POLDIP3: variants seen among roughly 807,000 people sequenced by gnomAD.
POLDIP3 encodes DNA polymerase delta interacting protein 3, also known as polymerase delta-interacting protein 3.
In POLDIP3, 14 loss-of-function variants were observed where a neutral mutation model predicts 45.1. That is an observed-to-expected ratio of 0.31 (90% CI 0.20 to 0.49). The LOEUF is 0.49. POLDIP3 is among the 20% of genes least tolerant of loss of function. The pLI, the probability that POLDIP3 is intolerant of heterozygous loss-of-function variation, is 0.99. For synonymous variants in POLDIP3, 223 were observed against 205.2 expected, an observed-to-expected ratio of 1.09 and a Z score of -0.74; for missense variants, 511 against 538.8, an observed-to-expected ratio of 0.95 and a Z score of 0.51.
chr22:42,602,970 G>C lies in POLDIP3; in HGVS notation c.250C>G (p.Arg84Gly), dbSNP rs1456080419. Residue 84 changes from arginine to glycine, a missense_variant, in exon 2 of 9, where the codon CGA (arginine) becomes GGA (glycine). Around this residue, in one of 4 missense-constraint regions of POLDIP3, gnomAD observed 378 missense variants for 352.3 expected, o/e 1.07. Transcript: ENST00000252115. ...AREKLLQKDA[R>G]FRIKGKVQDA... Reference sequence around the variant, plus strand: ...TGCACTTTCCCTTTGATTCGAAATCGGGCATCTTTCTGCAAAAGCTTCTCC... The same window carrying C: ...TGCACTTTCCCTTTGATTCGAAATCCGGCATCTTTCTGCAAAAGCTTCTCC... 1 of 1,613,854 alleles carries C rather than the reference G, an allele frequency of 6.2e-7. No individual in the cohort carries two copies. The highest frequency in any genetic ancestry group is 2.2e-5 in the East Asian group (1 of 44,882).
chr22:42,588,482 G>A (rs1456973720), intron 7 of POLDIP3, among the ~76,000 whole-genome samples: 2 of 149,180 alleles, frequency 1.3e-5, no homozygotes, highest in Non-Finnish European at 3.0e-5. Flanking sequence ...AAAGTAAAAT[G>A]GAAGAAATAA....
chr22:42,613,879 G>T (rs1237640015), intron 1 of POLDIP3, among the ~76,000 whole-genome samples: 2 of 152,184 alleles, frequency 1.3e-5, no homozygotes, highest in African/African-American at 4.8e-5. Flanking sequence ...ATGTGTGTTG[G>T]GAAACTATTG....
intron 1 of POLDIP3, among the ~76,000 whole-genome samples, chr22:42,613,393 G>A (rs1020442236): frequency 3.9e-5 from 6 of 152,078 alleles, no homozygotes; most frequent in African/African-American, 1.4e-4. Flanking sequence ...TCCAGGATGG[G>A]GAAGGAGGTG....
At chr22:42,614,529 G>A (rs1358055249) in intron 1 of POLDIP3, among the ~76,000 whole-genome samples, 2 of 152,110 alleles carry the variant, frequency 1.3e-5, no homozygotes, top group African/African-American at 4.8e-5. Flanking sequence ...GGGGGCCCCA[G>A]GGGGCAGCCC....
chr22:42,595,027 G>A (rs1018869488), intron 6 of POLDIP3, among the ~76,000 whole-genome samples: 3 of 152,216 alleles, frequency 2.0e-5, no homozygotes, highest in African/African-American at 7.2e-5. Flanking sequence ...TTGTTTGAAA[G>A]GTCCGATTCC....
chr22:42,604,426 T>C (rs1261958542), intron 1 of POLDIP3, among the ~76,000 whole-genome samples: 2 of 152,158 alleles, frequency 1.3e-5, no homozygotes, highest in Admixed American at 1.3e-4. Context: ...AGATGCTGAA[T>C]CCAAAATCTG....
chr22:42,608,157 T>A (rs777019449), intron 1 of POLDIP3, among the ~76,000 whole-genome samples: 1 of 152,226 alleles, frequency 6.6e-6, no homozygotes, highest in Non-Finnish European at 1.5e-5. Context: ...AGATTGTTAC[T>A]GTGTCTGTGT....
chr22:42,612,615 G>T (rs143082911), intron 1 of POLDIP3, among the ~76,000 whole-genome samples: 1 of 152,212 alleles, frequency 6.6e-6, no homozygotes, highest in Non-Finnish European at 1.5e-5. Flanking sequence ...GGCCTGAGGT[G>T]AGGAGTTCGA....
intron 7 of POLDIP3, among the ~76,000 whole-genome samples, chr22:42,588,868 C>T (rs1425807136): frequency 6.6e-6 from 1 of 152,066 alleles, no homozygotes; most frequent in Non-Finnish European, 1.5e-5. Flanking sequence ...TCAGGTGATC[C>T]GCCTGGCGGA....
chr22:42,590,788 T>C (rs1187494243), intron 7 of POLDIP3, among the ~76,000 whole-genome samples: 1 of 152,208 alleles, frequency 6.6e-6, no homozygotes, highest in Non-Finnish European at 1.5e-5. Context: ...TCTCCAAAGA[T>C]AGCTGGGCAC....
At chr22:42,593,201 C>A (rs186385118) in intron 6 of POLDIP3, among the ~76,000 whole-genome samples, 1 of 152,248 alleles carries the variant, frequency 6.6e-6, no homozygotes, top group Admixed American at 6.5e-5. Flanking sequence ...TATTATTTCT[C>A]ATCATACTGT....
chr22:42,613,633 C>G (rs1156387754), intron 1 of POLDIP3, among the ~76,000 whole-genome samples: 1 of 152,060 alleles, frequency 6.6e-6, no homozygotes, highest in Non-Finnish European at 1.5e-5. Context: ...TGGTGGTGCA[C>G]ACCTGTAGTC....
intron 1 of POLDIP3, among the ~76,000 whole-genome samples, chr22:42,606,991 G>A (rs1396373571): frequency 6.6e-6 from 1 of 152,186 alleles, no homozygotes; most frequent in Non-Finnish European, 1.5e-5. Context: ...AACACCAGGA[G>A]CAGTAGCTCA....
At chr22:42,607,801 C>T (rs1926844807) in intron 1 of POLDIP3, among the ~76,000 whole-genome samples, 1 of 151,718 alleles carries the variant, frequency 6.6e-6, no homozygotes, top group African/African-American at 2.4e-5. Flanking sequence ...CCGACCGCCA[C>T]CCCGTCTGGG....
rs759232713 is a variant in POLDIP3 at position 42,602,798 on chromosome 22, G to A, written c.422C>T (p.Pro141Leu). The A allele has an allele frequency of 2.5e-6, 4 of 1,610,236 alleles. No individual in the cohort carries two copies. Among genetic ancestry groups the A allele is most frequent in the African/African-American group, 1.3e-5 (1 of 74,898 alleles). ...FINPPIGTVT[P>L]ALKLTKTIQV... ...GATGGTTTTGGTGAGCTTCAGAGCA[G>A]GGGTCACTGTCCCAATGGGTGGGTT... Residue 141 changes from proline (P) to leucine (L), a missense_variant, in exon 2 of 9, where the codon CCT becomes CTT. By Grantham distance (98) the Pro-to-Leu change is moderately conservative (BLOSUM62 -3). Transcript: ENST00000252115.
chr22:42,608,555 T>TA (rs937057169), intron 1 of POLDIP3, among the ~76,000 whole-genome samples: 1 of 152,130 alleles, frequency 6.6e-6, no homozygotes, highest in African/African-American at 2.4e-5. Flanking sequence ...TACATATATA[T>TA]AAAGGAAGGA....
chr22:42,612,021 C>T (rs928972956), intron 1 of POLDIP3, among the ~76,000 whole-genome samples: 2 of 152,162 alleles, frequency 1.3e-5, no homozygotes, highest in Admixed American at 6.6e-5. Flanking sequence ...GAGATAAAAA[C>T]GGAGTTTCCA....
intron 8 of POLDIP3, among the ~76,000 whole-genome samples, chr22:42,586,176 C>G (rs1925298465): frequency 6.6e-6 from 1 of 152,162 alleles, no homozygotes; most frequent in Non-Finnish European, 1.5e-5. Context: ...CTGCCACAGC[C>G]TCCTAAGGAG....
At chr22:42,611,462 C>T (rs901788294) in intron 1 of POLDIP3, among the ~76,000 whole-genome samples, 2 of 152,156 alleles carry the variant, frequency 1.3e-5, no homozygotes, top group Non-Finnish European at 2.9e-5. Flanking sequence ...AGGTTATTTA[C>T]ACTTCCACAA....
Sources: allele counts gnomAD v4.1 joint callset (sites outside exome capture counted in the v4.1 genomes callset), GRCh38; gene constraint gnomAD v4.1.1; regional missense constraint gnomAD v4.1.1; transcripts MANE v1.5; gene names NCBI Gene and HGNC (gene_info 2026-07-23, HGNC 2026-07-21).